Variants in CUX1 observed in about 807,000 individuals in gnomAD.
CUX1 encodes the protein protein CASP.
Under a neutral mutation model 158.8 loss-of-function variants are expected in CUX1, and 31 were observed. That is an observed-to-expected ratio of 0.20 (90% confidence interval 0.15 to 0.26). CUX1 has a LOEUF of 0.26. CUX1 is among the 10% of genes least tolerant of loss of function. The pLI is 1.00. For missense variants in CUX1, 1,589 were observed against 2,014.6 expected (o/e 0.79, Z 4.04); for synonymous variants, 879 against 862.1 (o/e 1.02, Z -0.34).
chr7:102,203,338 C>T (rs1195240362), intron 18 of CUX1, among the ~76,000 whole-genome samples: 1 of 152,108 alleles, frequency 6.6e-6, no homozygotes, highest in Non-Finnish European at 1.5e-5. Context: ...GGACAAATCC[C>T]ACCCCCTCCC....
At chr7:102,022,820 A>G (rs1034194423) in intron 2 of CUX1, among the ~76,000 whole-genome samples, 8 of 152,188 alleles carry the variant, frequency 5.3e-5, no homozygotes, top group African/African-American at 9.6e-5. Flanking sequence ...TTTTTGCCCA[A>G]TAGATGGGAT....
At chr7:102,033,144 C>T (rs1563155885) in intron 3 of CUX1, among the ~76,000 whole-genome samples, 1 of 152,102 alleles carries the variant, frequency 6.6e-6, no homozygotes, top group Non-Finnish European at 1.5e-5. Context: ...ATGAACTAAG[C>T]ATCGGCTTTA....
In CUX1 at chr7:102,201,354, A is replaced by G; in HGVS notation, c.2063-6A>G. 1.2e-6 allele frequency: 2 copies of G among 1,611,282 alleles called. No individual in the cohort carries two copies. Among genetic ancestry groups the G allele is most frequent in the Non-Finnish European group, 1.7e-6 (2 of 1,178,408 alleles). ...GCCACACTCTCACCCCTGTTTCTCC[A>G]TGCAGCAGAGCCGGCCCAGCCTTCC... is the stretch of plus-strand genomic sequence containing the variant. On this transcript the variant is annotated splice_polypyrimidine_tract_variant and splice_region_variant and intron_variant, in intron 17 of 23. Coordinates refer to ENST00000292535, the MANE Select transcript of CUX1 (RefSeq NM_181552.4). This position sits in a 1 kb window ranked among gnomAD's most constrained non-coding sequence, Gnocchi z 5.0.
In CUX1 at chr7:101,916,303, G is replaced by A. The variant is rs760933792; in HGVS notation, c.141+78G>A. On this transcript the variant is annotated intron_variant, in intron 2 of 23. Transcript: ENST00000292535. This position sits in a 1 kb window ranked among gnomAD's most constrained non-coding sequence, Gnocchi z 4.4. ...CATGTTCAGGCGACGCTCCGTGAGC[G>A]TTTCATTTTCATCAGATGAACGCAC... 20 of 935,242 alleles carry A rather than the reference G, an allele frequency of 2.1e-5. No individual in the cohort carries two copies. The highest frequency in any genetic ancestry group is 2.2e-4 in the Middle Eastern group (1 of 4,540). The allele number at this position is 935,242 out of a possible 1,614,324, so 57.9% of individuals were successfully genotyped here.
chr7:101,818,065 T>A (rs901049629), intron 1 of CUX1, among the ~76,000 whole-genome samples: 2 of 152,354 alleles, frequency 1.3e-5, no homozygotes, highest in South Asian at 4.1e-4. Context: ...ATAGTCGTTA[T>A]GAAATTTCCT....
chr7:102,224,200 TTTTA>T (rs147120708), intron 20 of CUX1, among the ~76,000 whole-genome samples: 1 of 151,566 alleles, frequency 6.6e-6, no homozygotes, highest in African/African-American at 2.4e-5. Context: ...GTCTTCTACA[TTTTA>T]TTTATTTATT....
At chr7:101,925,452 G>A (rs139000937) in intron 2 of CUX1, among the ~76,000 whole-genome samples, 1 of 152,322 alleles carries the variant, frequency 6.6e-6, no homozygotes, top group African/African-American at 2.4e-5. Flanking sequence ...CAGGGGTGAG[G>A]GGATAGAGGA....
intron 2 of CUX1, among the ~76,000 whole-genome samples, chr7:101,993,869 T>G (rs1238092694): frequency 2.0e-5 from 3 of 152,156 alleles, no homozygotes; most frequent in Non-Finnish European, 2.9e-5. Flanking sequence ...CTGGACTCCC[T>G]TCTCCCCTTC....
chr7:102,014,217 C>G (rs1291895176), intron 2 of CUX1, among the ~76,000 whole-genome samples: 1 of 152,154 alleles, frequency 6.6e-6, no homozygotes, highest in Non-Finnish European at 1.5e-5. Flanking sequence ...TGCTGTTAGA[C>G]ACACCTTTTA....
intron 2 of CUX1, among the ~76,000 whole-genome samples, chr7:101,976,051 T>A (rs543099489): frequency 6.6e-6 from 1 of 152,296 alleles, no homozygotes; most frequent in African/African-American, 2.4e-5. Context: ...GAGAATCACT[T>A]GAACCTGGGA....
chr7:102,224,296 T>C (rs1251443180), intron 20 of CUX1, among the ~76,000 whole-genome samples: 5 of 151,864 alleles, frequency 3.3e-5, no homozygotes, highest in African/African-American at 1.2e-4. Flanking sequence ...AACCTCCGCC[T>C]CCCCCATTCA....
At chr7:101,882,665 A>G (rs1343984186) in intron 1 of CUX1, among the ~76,000 whole-genome samples, 1 of 152,194 alleles carries the variant, frequency 6.6e-6, no homozygotes, top group Non-Finnish European at 1.5e-5. Context: ...TGCTCTGCAC[A>G]TAGTAGTAGG....
chr7:102,028,987 GA>G (rs1309262772), intron 3 of CUX1, among the ~76,000 whole-genome samples: 6 of 118,010 alleles, frequency 5.1e-5, no homozygotes, highest in African/African-American at 1.9e-4. Context: ...CAGTCTTAGG[GA>G]TTTTTTTTTT....
intron 8 of CUX1, among the ~76,000 whole-genome samples, chr7:102,118,097 C>G (rs1554492347): frequency 1.3e-5 from 2 of 152,248 alleles, no homozygotes; most frequent in African/African-American, 4.8e-5. Context: ...TGTCACTATT[C>G]CGTCTGCTTC....
intron 2 of CUX1, among the ~76,000 whole-genome samples, chr7:101,987,055 T>TCCTC (rs748045861): frequency 9.2e-5 from 14 of 152,120 alleles, no homozygotes; most frequent in Non-Finnish European, 2.1e-4. Context: ...CCACCGTGCT[T>TCCTC]CCTCCCTCCC....
chr7:102,211,440 T>C (rs1316380014), intron 20 of CUX1, among the ~76,000 whole-genome samples: 2 of 150,864 alleles, frequency 1.3e-5, no homozygotes, highest in African/African-American at 4.9e-5. Flanking sequence ...AGCGAGACCC[T>C]CTCCGCCCGC....
At chr7:102,197,741 G>A (rs1218695441) in intron 15 of CUX1, among the ~76,000 whole-genome samples, 1 of 152,052 alleles carries the variant, frequency 6.6e-6, no homozygotes, top group Non-Finnish European at 1.5e-5. Context: ...GGTTCTGTAG[G>A]GAGAACACAT....
At chr7:102,152,623 C>T (rs879946970) in intron 8 of CUX1, among the ~76,000 whole-genome samples, 2 of 152,174 alleles carry the variant, frequency 1.3e-5, no homozygotes, top group African/African-American at 4.8e-5. Context: ...AACTCGCGAC[C>T]TCAGGTGATC....
At chr7:101,901,296 GT>G (rs985897044) in intron 1 of CUX1, among the ~76,000 whole-genome samples, 1 of 151,892 alleles carries the variant, frequency 6.6e-6, no homozygotes, top group Non-Finnish European at 1.5e-5. Flanking sequence ...AGCAAAATCT[GT>G]TTTTATTTGT....
Sources: gnomAD v4.1 joint callset for allele counts (sites outside exome capture counted in the v4.1 genomes callset) on GRCh38, gnomAD v4.1.1 for gene constraint, Gnocchi (gnomAD v3.1) non-coding constraint, MANE v1.5 for transcripts, NCBI Gene and HGNC (gene_info 2026-07-23, HGNC 2026-07-21) for gene names.